The following USF1 variants were observed in gnomAD, a reference collection of about 807,000 sequenced individuals.
USF1 encodes the protein upstream stimulatory factor 1.
USF1 carries 22 observed loss-of-function variants against 46.3 expected under a neutral mutation model. That is an observed-to-expected ratio of 0.47 (90% CI 0.34 to 0.68). USF1 has a LOEUF of 0.68. Ranked by LOEUF, USF1 falls within the 30% of genes least tolerant of loss-of-function variation. The probability of loss-of-function intolerance (pLI) is 0.01; values close to 1 mark genes in which losing one functional copy is unlikely to be tolerated. For synonymous variants in USF1, 150 were observed against 147.0 expected (o/e 1.02, Z -0.15); for missense variants, 287 against 399.3 (o/e 0.72, Z 2.40).
chr1:161,042,120 G>C lies in USF1; in HGVS notation c.272C>G (p.Thr91Ser). ...ISGYPATQSM[T>S]QAVIQGAFTS... ...TCCCCAGCCCATACCCTGTACCTGG[G>C]TCATGGATTGAGTGGCAGGGTAGCC... Residue 91 changes from threonine (T) to serine (S), a missense_variant, in exon 5 of 11, where the codon ACC (threonine) becomes AGC (serine). Coordinates refer to ENST00000368021, the MANE Select transcript of USF1 (RefSeq NM_007122.5). 1.9e-6 allele frequency: 3 copies of C among 1,613,274 alleles called. No homozygotes were observed. Among genetic ancestry groups the C allele is most frequent in the Non-Finnish European group, 2.5e-6 (3 of 1,179,594 alleles).
intron 1 of USF1, 22 bp from the exon 2 acceptor site, chr1:161,043,382 G>C: frequency 6.3e-7 from 1 of 1,575,124 alleles, no homozygotes; most frequent in East Asian, 2.2e-5. Flanking sequence ...CATGAAGTTT[G>C]CAATGAGTTT....
rs533449226 is a variant in USF1 at position 161,044,023 on chromosome 1, A to G, written c.-85-663T>C. Among the ~76,000 whole-genome samples the G allele has an allele frequency of 3.5e-5, 5 of 144,066 alleles. No homozygotes were observed. The South Asian group carries it at 1.1e-3, about 31-fold the overall frequency. 94.5% of individuals were successfully genotyped at this position (144,066 alleles called of 152,430 possible). A position where few individuals can be genotyped will look rare whatever the true frequency, so the allele number is the denominator to read the frequency against. ...TGCAGTGGCACAATCTCGGCTTACA[A>G]CCTCCATCTCCTGGGTTCAAGTGAT... On this transcript the variant is annotated intron_variant, in intron 1 of 10. Coordinates refer to ENST00000368021, the MANE Select transcript of USF1 (RefSeq NM_007122.5).
chr1:161,042,092 A>G, intron 5 of USF1, 24 bp downstream of exon 5: 1 of 1,589,854 alleles, frequency 6.3e-7, no homozygotes, highest in Middle Eastern at 1.7e-4. Flanking sequence ...AACTCTAGTG[A>G]CCTCCCCAGC....
Position 161,039,304 on chromosome 1 carries a change from A to G in USF1, c.*616T>C, listed in dbSNP as rs56207931. On this transcript the variant is annotated 3_prime_UTR_variant, in exon 11 of 11. Coordinates refer to ENST00000368021, the MANE Select transcript of USF1 (RefSeq NM_007122.5). ...AAAAAAAAAAAAAAAAAAAAAAGAA[A>G]AGAAAAAAAAAAAACGACCCCCACA... The G allele has an allele frequency of 1.7e-5, 2 of 118,332 alleles. No homozygotes were observed. The highest frequency in any genetic ancestry group is 5.6e-5 in the African/African-American group (2 of 35,578). The allele number at this position is 118,332 out of a possible 1,614,324, so 7.3% of individuals were successfully genotyped here. A position where few individuals can be genotyped will look rare whatever the true frequency, so the allele number is the denominator to read the frequency against.
rs770557099 is a variant in USF1, at chr1:161,040,183, C to G, written c.843+19G>C. ...GCTAGCAGAACTGAGAAGGGCTGCACTGGGGGTAGGAGTCTGACCTGTTGT... is the reference window on the plus strand; with the variant it reads ...GCTAGCAGAACTGAGAAGGGCTGCAGTGGGGGTAGGAGTCTGACCTGTTGT... On this transcript the variant is annotated intron_variant, in intron 10 of 10. Transcript: ENST00000368021. This position sits in a 1 kb window ranked among gnomAD's most constrained non-coding sequence, Gnocchi z 4.0. 6 of 1,613,680 alleles carry G rather than the reference C, an allele frequency of 3.7e-6. No homozygotes were observed. In the South Asian group the frequency reaches 6.6e-5, roughly 18 times the overall value.
chr1:161,043,740 C>T (rs78224627), intron 1 of USF1, among the ~76,000 whole-genome samples: 7 of 150,950 alleles, frequency 4.6e-5, no homozygotes, highest in Non-Finnish European at 7.4e-5. Flanking sequence ...TCTCCTGCCT[C>T]AGCCTCCGGA....
At chr1:161,045,501 G>A (rs569919506) in intron 1 of USF1, among the ~76,000 whole-genome samples, 6 of 152,332 alleles carry the variant, frequency 3.9e-5, no homozygotes, top group Admixed American at 2.0e-4. Flanking sequence ...CCAGGCGCGA[G>A]CCCGGGAGCC....
intron 4 of USF1, 128 bp downstream of exon 4, chr1:161,042,427 C>G (rs779700138): frequency 1.8e-6 from 2 of 1,116,072 alleles, no homozygotes; most frequent in Admixed American, 4.2e-5. Flanking sequence ...GTATTAGCAC[C>G]TCCCTCCCCT....
intron 6 of USF1, 37 bp from the exon 7 acceptor site, chr1:161,041,448 G>A: frequency 6.2e-7 from 1 of 1,600,388 alleles, no homozygotes; most frequent in Non-Finnish European, 8.5e-7. Flanking sequence ...CAGGACATGG[G>A]TAGGAACCTC....
rs1258889266 is a variant in USF1 at position 161,040,697 on chromosome 1, G to A, written c.620-27C>T. The A allele has an allele frequency of 6.2e-7, 1 of 1,611,128 alleles. No homozygotes were observed. Among genetic ancestry groups the A allele is most frequent in the Non-Finnish European group, 8.5e-7 (1 of 1,179,862 alleles). On this transcript the variant is annotated intron_variant, in intron 8 of 10. Coordinates refer to ENST00000368021, the MANE Select transcript of USF1 (RefSeq NM_007122.5). This position sits in a 1 kb window ranked among gnomAD's most constrained non-coding sequence, Gnocchi z 4.0. ...TGTGGGGCAAAGTGGAGGACAAGGT[G>A]ACTCAGTGAAAACTCGCCACAAGTC...
intron 5 of USF1, 100 bp from the exon 6 acceptor site, chr1:161,041,946 G>GGAGAGAGAGAGA: frequency 8.2e-7 from 1 of 1,220,610 alleles, no homozygotes; most frequent in Non-Finnish European, 1.1e-6. Context: ...TAGGTAGGGT[G>GGAGAGAGAGAGA]GAGAGAGAGA....
At position 161,041,781 on chromosome 1, in the gene USF1, C is replaced by T. The variant is rs143879596; in HGVS notation, c.342G>A (p.Thr114=). 45 of 1,613,956 alleles carry T rather than the reference C, an allele frequency of 2.8e-5. No individual in the cohort carries two copies. The highest frequency in any genetic ancestry group is 4.0e-5 in the African/African-American group (3 of 74,876). Residue 114 remains threonine, a synonymous_variant, in exon 6 of 11, where the codon ACG becomes ACA. Coordinates refer to ENST00000368021, the MANE Select transcript of USF1 (RefSeq NM_007122.5). ...CCGTGCTGGGGAAGTAAGTATAGTGCGTCTCAGCAGCTGTCCCCTCCGTGT... is the reference window on the plus strand; with the variant it reads ...CCGTGCTGGGGAAGTAAGTATAGTGTGTCTCAGCAGCTGTCCCCTCCGTGT... The part of the protein sequence containing the change: ...AVDTEGTAAE[T]HYTYFPSTAV...
chr1:161,040,015 A>G lies in USF1; in HGVS notation c.844-6T>C, dbSNP rs1444887793. ...TTGTTTTTAAGATCTTCCACCTGACATGGGAAGGAGGCAGTAAAGGGAATG... is the reference window on the plus strand; with the variant it reads ...TTGTTTTTAAGATCTTCCACCTGACGTGGGAAGGAGGCAGTAAAGGGAATG... On this transcript the variant is annotated splice_region_variant and splice_polypyrimidine_tract_variant and intron_variant, in intron 10 of 10. Transcript: ENST00000368021. The surrounding 1 kb of genome is among the most constrained non-coding windows in gnomAD (Gnocchi z 4.0). The G allele has an allele frequency of 4.3e-6, 7 of 1,614,056 alleles. No individual in the cohort carries two copies. Among genetic ancestry groups the G allele is most frequent in the East Asian group, 2.2e-5 (1 of 44,896 alleles).
intron 1 of USF1, among the ~76,000 whole-genome samples, chr1:161,044,611 G>T (rs1650719845): frequency 6.6e-6 from 1 of 151,874 alleles, no homozygotes; most frequent in Admixed American, 6.6e-5. Flanking sequence ...TATTCATCAA[G>T]CCTTCCTGCA....
At chr1:161,041,929 G>C (rs546493645) in intron 5 of USF1, 83 bp from the exon 6 acceptor site, 1 of 1,421,956 alleles carries the variant, frequency 7.0e-7, no homozygotes, top group African/African-American at 1.4e-5. Context: ...TCTATCCGTT[G>C]GGGTGGTAGG....
chr1:161,042,778 G>A, intron 3 of USF1, 55 bp downstream of exon 3: 1 of 1,613,010 alleles, frequency 6.2e-7, no homozygotes, highest in Non-Finnish European at 8.5e-7. Context: ...GTCTGGTGGG[G>A]AAGGAAGGGA....
Position 161,040,065 on chromosome 1 carries a change from C to T in USF1, c.844-56G>A. 6.2e-7 allele frequency: 1 copy of T among 1,612,168 alleles called. No individual in the cohort carries two copies. The highest frequency in any genetic ancestry group is 8.5e-7 in the Non-Finnish European group (1 of 1,178,364). ...GGGTAGTAAAGCTGGCACTTCCAAG[C>T]CCCTGAATGTATTCAGACATCCACT... On this transcript the variant is annotated intron_variant, in intron 10 of 10. Coordinates refer to ENST00000368021, the MANE Select transcript of USF1 (RefSeq NM_007122.5). The surrounding 1 kb of genome is among the most constrained non-coding windows in gnomAD (Gnocchi z 4.0).
chr1:161,040,850 T>A lies in USF1; in HGVS notation c.583A>T (p.Thr195Ser). Residue 195 changes from threonine (T) to serine (S), a missense_variant, in exon 8 of 11, where the codon ACT (threonine) becomes TCT (serine). Transcript: ENST00000368021. The surrounding 1 kb of genome is among the most constrained non-coding windows in gnomAD (Gnocchi z 4.0). ...TGAGCCCTGCGTTTCTCATCCCGAG[T>A]CGTCCGGGGAGCTTCTGACTTCCTG... The part of the protein sequence containing the change: ...YSPKSEAPRT[T>S]RDEKRRAQHN... 6.2e-7 allele frequency: 1 copy of A among 1,613,806 alleles called. No homozygotes were observed. The highest frequency in any genetic ancestry group is 8.5e-7 in the Non-Finnish European group (1 of 1,179,942).
Position 161,041,778 on chromosome 1 carries a change from G to A in USF1, c.345C>T (p.His115=). The part of the protein sequence containing the change: ...VDTEGTAAET[H]YTYFPSTAVG... ...CTGCCGTGCTGGGGAAGTAAGTATA[G>A]TGCGTCTCAGCAGCTGTCCCCTCCG... Residue 115 remains histidine (H), a synonymous_variant, in exon 6 of 11, where the codon CAC becomes CAT. Coordinates refer to ENST00000368021, the MANE Select transcript of USF1 (RefSeq NM_007122.5). The A allele has an allele frequency of 6.2e-7, 1 of 1,614,114 alleles. No individual in the cohort carries two copies. Among genetic ancestry groups the A allele is most frequent in the African/African-American group, 1.3e-5 (1 of 75,016 alleles).
Sources: gnomAD v4.1 joint callset for allele counts (sites outside exome capture counted in the v4.1 genomes callset) on GRCh38, gnomAD v4.1.1 for gene constraint, Gnocchi (gnomAD v3.1) non-coding constraint, MANE v1.5 for transcripts, NCBI Gene and HGNC (gene_info 2026-07-23, HGNC 2026-07-21) for gene names.